Variants in NME8 observed in about 807,000 individuals in gnomAD.
NME8 encodes NME/NM23 family member 8.
NME8 carries 72 observed loss-of-function variants against 82.3 expected under a neutral mutation model. That is an observed-to-expected ratio of 0.87 (90% CI 0.72 to 1.06). The LOEUF (loss-of-function observed/expected upper bound fraction) is 1.06. NME8 is among the 50% of genes least tolerant of loss of function. The probability of loss-of-function intolerance (pLI) is 0.00; values close to 1 mark genes in which losing one functional copy is unlikely to be tolerated. For synonymous variants in NME8, 267 were observed against 228.5 expected, an observed-to-expected ratio of 1.17 and a Z score of -1.52; for missense variants, 712 against 685.4, an observed-to-expected ratio of 1.04 and a Z score of -0.43.
chr7:37,886,561 T>C (rs1785043817), intron 14 of NME8, among the ~76,000 whole-genome samples: 1 of 152,176 alleles, frequency 6.6e-6, no homozygotes, highest in Admixed American at 6.6e-5. Context: ...ACCCAAAATA[T>C]GATAATTTGC....
Position 37,884,367 on chromosome 7 carries a change from A to G in NME8, c.1059A>G (p.Leu353=), listed in dbSNP as rs2131967257. ...TACTGGAGCAAAGACAAGTAGTATT[A>G]TCGGAAAAAGAAGCACAAGCACTGT... ...FKILEQRQVV[L]SEKEAQALCK... The change falls in exon 13 of 18, where the codon TTA becomes TTG. Residue 353 remains leucine (L), a synonymous_variant. Transcript: ENST00000199447. The G allele has an allele frequency of 1.9e-6, 3 of 1,604,024 alleles. No individual in the cohort carries two copies. The highest frequency in any genetic ancestry group is 2.2e-5 in the East Asian group (1 of 44,788).
rs1167912395 is a variant in NME8 at position 37,864,394 on chromosome 7, T to TA, written c.507dup (p.Val170SerfsTer5). On this transcript the variant is annotated frameshift_variant, in exon 9 of 18. Coordinates refer to ENST00000199447, the MANE Select transcript of NME8 (RefSeq NM_016616.5). LOFTEE classifies it high-confidence loss of function. ...TTATCAAACCGGATGCTGTGATTAGTAAAAAAGTTCTAGAAATTAAAAGAA... is the reference window on the plus strand; with the variant it reads ...TTATCAAACCGGATGCTGTGATTAGTAAAAAAAGTTCTAGAAATTAAAAGAA... The TA allele has an allele frequency of 1.9e-6, 3 of 1,587,944 alleles. No individual in the cohort carries two copies. The highest frequency in any genetic ancestry group is 2.6e-6 in the Non-Finnish European group (3 of 1,159,914).
At chr7:37,876,204 C>A (rs1184917201) in intron 11 of NME8, among the ~76,000 whole-genome samples, 2 of 145,282 alleles carry the variant, frequency 1.4e-5, no homozygotes, top group Non-Finnish European at 3.0e-5. Flanking sequence ...GAGACTCCAT[C>A]TCAAAAAAAC....
At position 37,884,349 on chromosome 7, in the gene NME8, G is replaced by A; in HGVS notation, c.1041G>A (p.Glu347=). The part of the protein sequence containing the change: ...IIKDEDFKIL[E]QRQVVLSEKE... ...AAGATGAAGACTTCAAAATACTGGAGCAAAGACAAGTAGTATTATCGGAAA... is the reference window on the plus strand; with the variant it reads ...AAGATGAAGACTTCAAAATACTGGAACAAAGACAAGTAGTATTATCGGAAA... Residue 347 remains glutamate, a synonymous_variant, in exon 13 of 18, where the codon GAG becomes GAA. Coordinates refer to ENST00000199447, the MANE Select transcript of NME8 (RefSeq NM_016616.5). The A allele has an allele frequency of 1.3e-6, 2 of 1,598,716 alleles. No individual in the cohort carries two copies. The highest frequency in any genetic ancestry group is 1.7e-6 in the Non-Finnish European group (2 of 1,166,066).
At chr7:37,874,125 A>T (rs2598028) in intron 11 of NME8, among the ~76,000 whole-genome samples, 84,699 of 152,008 alleles carry the variant, frequency 0.56, 24,777 homozygotes, top group East Asian at 0.68. Flanking sequence ...GTGGAAAATA[A>T]GTGAGGATAT....
chr7:37,894,317 T>A (rs531147299), intron 15 of NME8, 149 bp from the exon 16 acceptor site: 1 of 797,738 alleles, frequency 1.3e-6, no homozygotes, highest in East Asian at 2.7e-5. Context: ...TTTGGTGCTT[T>A]GGAATTTTAA....
chr7:37,891,325 G>A (rs1785125978), intron 15 of NME8, among the ~76,000 whole-genome samples: 3 of 151,296 alleles, frequency 2.0e-5, no homozygotes, highest in Admixed American at 2.0e-4. Flanking sequence ...TGCTTTTGAG[G>A]TCTTACCAAA....
intron 15 of NME8, among the ~76,000 whole-genome samples, chr7:37,893,531 T>C (rs1785166849): frequency 6.6e-6 from 1 of 152,128 alleles, no homozygotes; most frequent in Non-Finnish European, 1.5e-5. Flanking sequence ...GCACTTGGCA[T>C]ACATTACTCA....
intron 6 of NME8, 32 bp downstream of exon 6, chr7:37,857,377 C>A: frequency 1.4e-6 from 2 of 1,410,204 alleles, no homozygotes; most frequent in South Asian, 1.2e-5. Flanking sequence ...ATTGCATTAT[C>A]AGATTCCAGT....
At chr7:37,850,192 T>G in intron 2 of NME8, 68 bp from the exon 3 acceptor site, 2 of 1,228,020 alleles carry the variant, frequency 1.6e-6, no homozygotes, top group Non-Finnish European at 2.4e-6. Context: ...AGATGTTATT[T>G]GCATGCATAA....
At chr7:37,851,187 C>T (rs1490337508) in intron 5 of NME8, among the ~76,000 whole-genome samples, 1 of 152,178 alleles carries the variant, frequency 6.6e-6, no homozygotes, top group Non-Finnish European at 1.5e-5. Context: ...TAGCCAAACA[C>T]ATTTTACTGA....
chr7:37,882,994 G>A (rs903310964), intron 12 of NME8, among the ~76,000 whole-genome samples: 6 of 152,120 alleles, frequency 3.9e-5, no homozygotes, highest in African/African-American at 1.2e-4. Flanking sequence ...TCCGTTGGAC[G>A]GTGAGGACCC....
chr7:37,862,017 T>A lies in NME8; in HGVS notation c.271-11T>A, dbSNP rs760643364. 122 of 1,577,504 alleles carry A rather than the reference T, an allele frequency of 7.7e-5. No individual in the cohort carries two copies. Among genetic ancestry groups the A allele is most frequent in the Middle Eastern group, 1.7e-4 (1 of 6,030 alleles). On this transcript the variant is annotated splice_polypyrimidine_tract_variant and intron_variant, in intron 6 of 17. Coordinates refer to ENST00000199447, the MANE Select transcript of NME8 (RefSeq NM_016616.5). ...ATGAAAGTTCCCCTCCTGTTTTCATTTCCCTTATAGAATGGCAAAATTATC... is the reference window on the plus strand; with the variant it reads ...ATGAAAGTTCCCCTCCTGTTTTCATATCCCTTATAGAATGGCAAAATTATC...
chr7:37,900,038 C>T (rs986975195), intron 17 of NME8, among the ~76,000 whole-genome samples: 2 of 152,196 alleles, frequency 1.3e-5, no homozygotes, highest in Non-Finnish European at 2.9e-5. Flanking sequence ...AACCCTGTCA[C>T]AAATGTTTGT....
In NME8 at chr7:37,896,896, C is replaced by T. The variant is rs1562844182; in HGVS notation, c.1571C>T (p.Thr524Ile). The stretch of plus-strand genomic sequence containing the variant: ...GGTCCATCTATGGTCATGATTCTGA[C>T]CAAGTGGAATGCTGTTGCAGAATGG... ...SVGPSMVMIL[T>I]KWNAVAEWRR... Residue 524 changes from threonine (T) to isoleucine (I), a missense_variant, in exon 17 of 18, where the codon ACC (threonine) becomes ATC (isoleucine). Physicochemically the swap from Thr to Ile is moderately conservative, Grantham distance 89. Coordinates refer to ENST00000199447, the MANE Select transcript of NME8 (RefSeq NM_016616.5). 2 of 1,613,752 alleles carry T rather than the reference C, an allele frequency of 1.2e-6. No individual in the cohort carries two copies. Among genetic ancestry groups the T allele is most frequent in the East Asian group, 4.5e-5 (2 of 44,852 alleles).
intron 6 of NME8, among the ~76,000 whole-genome samples, 192 bp downstream of exon 6, chr7:37,857,537 A>C (rs1784528739): frequency 6.6e-6 from 1 of 152,208 alleles, no homozygotes. Context: ...AAGGGATTAG[A>C]TGATGACACA....
chr7:37,884,997 G>C lies in NME8; in HGVS notation c.1140-148G>C, dbSNP rs1021012760. The C allele has an allele frequency of 7.7e-6, 5 of 645,332 alleles. No individual in the cohort carries two copies. The Admixed American group carries it at 1.2e-4, about 16-fold the overall frequency. 40.0% of individuals were successfully genotyped at this position (645,332 alleles called of 1,614,324 possible). ...GATATGCTCTTGAAAACATATCAACGGAAAAAAATCACAGACCTCTGTTAA... is the reference window on the plus strand; with the variant it reads ...GATATGCTCTTGAAAACATATCAACCGAAAAAAATCACAGACCTCTGTTAA... On this transcript the variant is annotated intron_variant, in intron 13 of 17. Coordinates refer to ENST00000199447, the MANE Select transcript of NME8 (RefSeq NM_016616.5).
chr7:37,886,854 T>A (rs1273324649), intron 14 of NME8, among the ~76,000 whole-genome samples: 1 of 138,574 alleles, frequency 7.2e-6, no homozygotes, highest in Non-Finnish European at 1.6e-5. Flanking sequence ...AAGGTCAAGG[T>A]GATAAGGCAA....
chr7:37,849,441 A>T (rs1476447844), intron 2 of NME8, among the ~76,000 whole-genome samples: 1 of 152,188 alleles, frequency 6.6e-6, no homozygotes, highest in Non-Finnish European at 1.5e-5. Flanking sequence ...TGGGAGGATA[A>T]GATAGTGTGG....
Sources: allele counts gnomAD v4.1 joint callset (sites outside exome capture counted in the v4.1 genomes callset), GRCh38; gene constraint gnomAD v4.1.1; transcripts MANE v1.5; gene names NCBI Gene and HGNC (gene_info 2026-07-23, HGNC 2026-07-21).